The following TRAPPC9 variants were observed in gnomAD, a reference collection of about 807,000 sequenced individuals.
TRAPPC9 encodes the protein trafficking protein particle complex subunit 9, also known as IKK2 binding protein.
In TRAPPC9, 83 loss-of-function variants were observed where a neutral mutation model predicts 124.0. The observed-to-expected ratio is 0.67, with a 90% CI of 0.56 to 0.80. The LOEUF (loss-of-function observed/expected upper bound fraction) is 0.80. TRAPPC9 is among the 30% of genes least tolerant of loss of function. The pLI, the probability that TRAPPC9 is intolerant of heterozygous loss-of-function variation, is 0.00. For missense variants in TRAPPC9, 1,302 were observed against 1,508.3 expected (o/e 0.86, Z 2.27); for synonymous variants, 638 against 617.5 (o/e 1.03, Z -0.49).
At chr8:140,159,126 T>C (rs1354058545) in intron 17 of TRAPPC9, among the ~76,000 whole-genome samples, 2 of 152,154 alleles carry the variant, frequency 1.3e-5, no homozygotes, top group African/African-American at 2.4e-5. Flanking sequence ...CACAACACAG[T>C]AACCTCCCCC....
chr8:139,760,252 C>G lies in TRAPPC9; in HGVS notation c.3056-28050G>C, dbSNP rs556669297. Among the ~76,000 whole-genome samples, 20 of 152,226 alleles carry G rather than the reference C, an allele frequency of 1.3e-4. No individual in the cohort carries two copies. In the East Asian group the frequency reaches 2.1e-3, roughly 16 times the overall value. ...CCATCCTTGGAATACCAGATTCAGACAGCAAAGAACAGGGAAGGAAAGCAA... is the reference window on the plus strand; with the variant it reads ...CCATCCTTGGAATACCAGATTCAGAGAGCAAAGAACAGGGAAGGAAAGCAA... On this transcript the variant is annotated intron_variant, in intron 21 of 22. Transcript: ENST00000438773.
chr8:140,294,194 C>G (rs1394264733), intron 11 of TRAPPC9, among the ~76,000 whole-genome samples: 1 of 152,134 alleles, frequency 6.6e-6, no homozygotes, highest in Admixed American at 6.5e-5. Context: ...CTTGTCCTTC[C>G]CTCATCCCAG....
At chr8:140,420,827 C>A (rs899210309) in intron 5 of TRAPPC9, among the ~76,000 whole-genome samples, 47 of 152,014 alleles carry the variant, frequency 3.1e-4, no homozygotes, top group Non-Finnish European at 7.4e-5. Flanking sequence ...ATTTGTATAA[C>A]ATATAAAAAC....
intron 15 of TRAPPC9, among the ~76,000 whole-genome samples, chr8:140,262,216 A>G (rs540822294): frequency 3.3e-4 from 25 of 76,684 alleles, no homozygotes; most frequent in African/African-American, 2.2e-3. Flanking sequence ...TAAGAAGTGC[A>G]CTTTTTTCCT....
intron 21 of TRAPPC9, among the ~76,000 whole-genome samples, chr8:139,832,379 C>T (rs545542463): frequency 1.6e-4 from 24 of 152,296 alleles, no homozygotes; most frequent in South Asian, 2.1e-4. Flanking sequence ...GCGGGGTGTT[C>T]GCGTGGAGCA....
At chr8:140,204,016 T>A (rs553996995) in intron 17 of TRAPPC9, among the ~76,000 whole-genome samples, 1 of 152,234 alleles carries the variant, frequency 6.6e-6, no homozygotes, top group South Asian at 2.1e-4. Flanking sequence ...GGATGTTTGG[T>A]CTCCTCCAAA....
At chr8:139,785,469 G>A (rs571497597) in intron 21 of TRAPPC9, among the ~76,000 whole-genome samples, 4 of 151,976 alleles carry the variant, frequency 2.6e-5, no homozygotes, top group South Asian at 2.1e-4. Context: ...TGGCTGAAGC[G>A]AGTGGATCGC....
intron 16 of TRAPPC9, among the ~76,000 whole-genome samples, chr8:140,251,263 T>C (rs947797559): frequency 3.3e-5 from 5 of 152,218 alleles, no homozygotes; most frequent in African/African-American, 1.2e-4. Flanking sequence ...CACCATTTAT[T>C]CTGCCAAACC....
intron 17 of TRAPPC9, among the ~76,000 whole-genome samples, chr8:140,155,691 A>G (rs1252191842): frequency 6.6e-6 from 1 of 151,124 alleles, no homozygotes; most frequent in Non-Finnish European, 1.5e-5. Context: ...GTCTATTGAC[A>G]TGGGACCCCC....
intron 7 of TRAPPC9, among the ~76,000 whole-genome samples, chr8:140,388,835 G>C (rs1339668437): frequency 7.2e-6 from 1 of 139,046 alleles, no homozygotes; most frequent in Non-Finnish European, 1.5e-5. Context: ...GAACAGCAGA[G>C]TGAGACTCCA....
intron 17 of TRAPPC9, among the ~76,000 whole-genome samples, chr8:140,075,564 A>AT: frequency 6.6e-6 from 1 of 152,336 alleles, no homozygotes; most frequent in South Asian, 2.1e-4. Context: ...CTGCCGCCAT[A>AT]TAAGTAGCTA....
intron 3 of TRAPPC9, among the ~76,000 whole-genome samples, chr8:140,436,052 C>T (rs2070801448): frequency 6.6e-6 from 1 of 152,114 alleles, no homozygotes; most frequent in Non-Finnish European, 1.5e-5. Flanking sequence ...TGTATTAATT[C>T]CTCTTAAAAT....
rs148154539 is a variant in TRAPPC9 at position 139,815,263 on chromosome 8, G to A, written c.3055+70616C>T. On this transcript the variant is annotated intron_variant, in intron 21 of 22. Transcript: ENST00000438773. ...CCGCCTTCCCTGTGGCAGAAGGTGC[G>A]TGTCATCCTCTCTTACTGGAGATGA... Among the ~76,000 whole-genome samples, 625 of 152,278 alleles carry A rather than the reference G, an allele frequency of 4.1e-3. 5 individuals are homozygous for A. Among genetic ancestry groups the A allele is most frequent in the African/African-American group, 0.014 (579 of 41,540 alleles).
intron 17 of TRAPPC9, among the ~76,000 whole-genome samples, chr8:140,092,678 A>C (rs1341108239): frequency 1.3e-5 from 2 of 152,234 alleles, no homozygotes; most frequent in African/African-American, 4.8e-5. Flanking sequence ...ACCAAAAGTT[A>C]CTACTGCCTA....
chr8:140,369,474 CAGT>C (rs1212122986), intron 8 of TRAPPC9, among the ~76,000 whole-genome samples: 3 of 152,162 alleles, frequency 2.0e-5, no homozygotes, highest in Non-Finnish European at 4.4e-5. Flanking sequence ...CAAAAAAGTC[CAGT>C]AGATGTCTTC....
rs181880234 is a variant in TRAPPC9 at position 140,374,368 on chromosome 8, G to A, written c.1135-3188C>T. Among the ~76,000 whole-genome samples, 85 of 152,296 alleles carry A rather than the reference G, an allele frequency of 5.6e-4. No homozygotes were observed. The East Asian group carries it at 0.015, about 27-fold the overall frequency. ...GCAGATCACCTGAGGTTGGGAGTTC[G>A]AGACCAGCCTGACCAACATGGAGAA... On this transcript the variant is annotated intron_variant, in intron 7 of 22. Transcript: ENST00000438773.
At chr8:139,762,584 A>G (rs139079252) in intron 21 of TRAPPC9, among the ~76,000 whole-genome samples, 132 of 152,328 alleles carry the variant, frequency 8.7e-4, no homozygotes, top group African/African-American at 2.9e-3. Context: ...AAACATCTAG[A>G]CACAGAAAAG....
At chr8:139,956,100 CCT>C (rs1203011762) in intron 19 of TRAPPC9, among the ~76,000 whole-genome samples, 3 of 152,224 alleles carry the variant, frequency 2.0e-5, no homozygotes, top group African/African-American at 7.2e-5. Context: ...AACACCCACC[CCT>C]GTGTGCACAG....
intron 5 of TRAPPC9, among the ~76,000 whole-genome samples, chr8:140,419,078 G>A (rs187697991): frequency 1.3e-5 from 2 of 152,274 alleles, no homozygotes; most frequent in Admixed American, 6.5e-5. Flanking sequence ...TGGATCACAA[G>A]GTCAGGAGAT....
Sources: allele counts gnomAD v4.1 joint callset (sites outside exome capture counted in the v4.1 genomes callset), GRCh38; gene constraint gnomAD v4.1.1; transcripts MANE v1.5; gene names NCBI Gene and HGNC (gene_info 2026-07-23, HGNC 2026-07-21).